NXPE3: variants seen among roughly 807,000 people sequenced by gnomAD.
NXPE3 encodes NXPE family member 3.
A neutral mutation model predicts 46.1 loss-of-function variants in NXPE3; 26 were observed. That is an observed-to-expected ratio of 0.56 (90% CI 0.41 to 0.78). The LOEUF (loss-of-function observed/expected upper bound fraction) is 0.78, where lower values mean the gene tolerates loss of function less well. Ranked by LOEUF, NXPE3 falls within the 30% of genes least tolerant of loss-of-function variation. The pLI is 0.00. For synonymous variants in NXPE3, 272 were observed against 257.9 expected (o/e 1.05, Z -0.52); for missense variants, 620 against 686.0 (o/e 0.90, Z 1.07).
At chr3:101,783,706 A>G (rs1434567588) in intron 3 of NXPE3, among the ~76,000 whole-genome samples, 3 of 152,234 alleles carry the variant, frequency 2.0e-5, no homozygotes, top group African/African-American at 4.8e-5. Context: ...CTATGGTGCA[A>G]CTAAATTCCT....
Position 101,822,481 on chromosome 3 carries a change from C to A in NXPE3, c.*527C>A, listed in dbSNP as rs536077232. 5.3e-4 allele frequency: 81 copies of A among 152,590 alleles called. No individual in the cohort carries two copies. Among genetic ancestry groups the A allele is most frequent in the Admixed American group, 1.0e-3 (16 of 15,326 alleles). The allele number at this position is 152,590 out of a possible 1,614,324, so 9.5% of individuals were successfully genotyped here. On this transcript the variant is annotated 3_prime_UTR_variant, in exon 8 of 8. Coordinates refer to ENST00000273347, the MANE Select transcript of NXPE3 (RefSeq NM_145037.4). ...TCAGGAGTTTCTCTTGATGATCTAC[C>A]TTTTCTGAATTACTTGAAAAGGCCA...
At chr3:101,817,428 A>G (rs1942021116) in intron 7 of NXPE3, among the ~76,000 whole-genome samples, 1 of 152,220 alleles carries the variant, frequency 6.6e-6, no homozygotes, top group Admixed American at 6.5e-5. Context: ...AGCTTTGAGT[A>G]GAAGGAAGCA....
chr3:101,801,826 C>T lies in NXPE3; in HGVS notation c.685C>T (p.Leu229Phe). 6.2e-7 allele frequency: 1 copy of T among 1,614,200 alleles called. No individual in the cohort carries two copies. The highest frequency in any genetic ancestry group is 8.5e-7 in the Non-Finnish European group (1 of 1,180,034). The part of the protein sequence containing the change: ...ISETTECNVC[L>F]PGNLPLCNFT... ...TGAAACTACTGAGTGCAACGTGTGT[C>T]TTCCTGGGAATCTGCCCCTGTGTAA... Residue 229 changes from leucine to phenylalanine, a missense_variant, in exon 5 of 8, where the codon CTT (leucine) becomes TTT (phenylalanine). Transcript: ENST00000273347.
intron 4 of NXPE3, among the ~76,000 whole-genome samples, chr3:101,793,625 GTCTTTTTT>G: frequency 3.0e-5 from 1 of 33,326 alleles, no homozygotes; most frequent in East Asian, 6.7e-4. Flanking sequence ...AATTGACAAG[GTCTTTTTT>G]TTTTTTTTTT....
chr3:101,821,834 C>T lies in NXPE3; in HGVS notation c.1560C>T (p.Leu520=), dbSNP rs763060482. The T allele has an allele frequency of 6.8e-6, 11 of 1,614,050 alleles. No individual in the cohort carries two copies. The highest frequency in any genetic ancestry group is 3.3e-5 in the Admixed American group (2 of 59,996). Residue 520 remains leucine, a synonymous_variant, in exon 8 of 8, where the codon CTC becomes CTT. Transcript: ENST00000273347. Reference sequence around the variant, plus strand: ...TGTTCTCAGGGGTTGGAGTATATCTCGTCGATGCCTGGGAGATGACCCTGG... The same window carrying T: ...TGTTCTCAGGGGTTGGAGTATATCTTGTCGATGCCTGGGAGATGACCCTGG... ...RRMFSGVGVY[L]VDAWEMTLAH...
intron 6 of NXPE3, 104 bp from the exon 7 acceptor site, chr3:101,816,691 G>T: frequency 1.2e-6 from 1 of 838,244 alleles, no homozygotes; most frequent in Non-Finnish European, 1.9e-6. Context: ...TTTCCCACAT[G>T]CTATCAGGCT....
In NXPE3 at chr3:101,823,657, AGG is replaced by A. The variant is rs1942358262; in HGVS notation, c.*1705_*1706del. 6.6e-6 allele frequency: 1 copy of A among 152,074 alleles called. No homozygotes were observed. The highest frequency in any genetic ancestry group is 1.5e-5 in the Non-Finnish European group (1 of 68,042). The allele number at this position is 152,074 out of a possible 1,614,324, so 9.4% of individuals were successfully genotyped here. A position where few individuals can be genotyped will look rare whatever the true frequency, so the allele number is the denominator to read the frequency against. ...GTGTGGGCCGACAGTCCCAGCTACT[AGG>A]GAGGCTAAGGCAGGGTGATTGATTG... On this transcript the variant is annotated 3_prime_UTR_variant, in exon 8 of 8. Coordinates refer to ENST00000273347, the MANE Select transcript of NXPE3 (RefSeq NM_145037.4).
rs748315899 is a variant in NXPE3 at position 101,826,252 on chromosome 3, C to G, written c.*4298C>G. The G allele has an allele frequency of 6.6e-6, 1 of 152,038 alleles. No homozygotes were observed. Among genetic ancestry groups the G allele is most frequent in the East Asian group, 1.9e-4 (1 of 5,198 alleles). 9.4% of individuals were successfully genotyped at this position (152,038 alleles called of 1,614,324 possible). A position where few individuals can be genotyped will look rare whatever the true frequency, so the allele number is the denominator to read the frequency against. Reference sequence around the variant, plus strand: ...AATGAGTCTGTTTCTGGACCCTGTTCAAGGAAATAGTGATGACTGAGAGAG... The same window carrying G: ...AATGAGTCTGTTTCTGGACCCTGTTGAAGGAAATAGTGATGACTGAGAGAG... On this transcript the variant is annotated 3_prime_UTR_variant, in exon 8 of 8. Coordinates refer to ENST00000273347, the MANE Select transcript of NXPE3 (RefSeq NM_145037.4).
At position 101,808,854 on chromosome 3, in the gene NXPE3, T is replaced by TATACACATATATATATAC. The variant is rs770360739; in HGVS notation, c.922+1730_922+1731insACACATATATATATACAT. ...ATATATATATATATATATATATATA[T>TATACACATATATATATAC]ATGAGACATTTATCTTTTATCTGTT... On this transcript the variant is annotated intron_variant, in intron 6 of 7. Transcript: ENST00000273347. Among the ~76,000 whole-genome samples, 972 of 100,340 alleles carry TATACACATATATATATAC rather than the reference T, an allele frequency of 9.7e-3. 70 individuals are homozygous for TATACACATATATATATAC. The highest frequency in any genetic ancestry group is 0.03 in the African/African-American group (852 of 27,982). 65.8% of individuals were successfully genotyped at this position (100,340 alleles called of 152,430 possible). A position where few individuals can be genotyped will look rare whatever the true frequency, so the allele number is the denominator to read the frequency against.
chr3:101,786,888 C>T (rs1424217544), intron 4 of NXPE3, among the ~76,000 whole-genome samples: 1 of 152,108 alleles, frequency 6.6e-6, no homozygotes, highest in Non-Finnish European at 1.5e-5. Flanking sequence ...ATGTCTAGAA[C>T]TTTTTCATCT....
chr3:101,798,404 G>T (rs1363807565), intron 4 of NXPE3, among the ~76,000 whole-genome samples: 1 of 151,686 alleles, frequency 6.6e-6, no homozygotes, highest in East Asian at 1.9e-4. Context: ...TTTCTTTTAA[G>T]CACAGGGTCT....
rs867690203 is a variant in NXPE3 at position 101,823,404 on chromosome 3, A to T, written c.*1450A>T. 34 of 152,308 alleles carry T rather than the reference A, an allele frequency of 2.2e-4. No homozygotes were observed. Among genetic ancestry groups the T allele is most frequent in the Admixed American group, 1.8e-3 (27 of 15,302 alleles). 9.4% of individuals were successfully genotyped at this position (152,308 alleles called of 1,614,324 possible). Reference sequence around the variant, plus strand: ...GCCTAATGAGGTAATAAAATATATTAAAATAGTTTAATTTTAATGGTCCTT... The same window carrying T: ...GCCTAATGAGGTAATAAAATATATTTAAATAGTTTAATTTTAATGGTCCTT... On this transcript the variant is annotated 3_prime_UTR_variant, in exon 8 of 8. Coordinates refer to ENST00000273347, the MANE Select transcript of NXPE3 (RefSeq NM_145037.4).
At chr3:101,787,329 C>T (rs1940248695) in intron 4 of NXPE3, among the ~76,000 whole-genome samples, 1 of 152,150 alleles carries the variant, frequency 6.6e-6, no homozygotes. Flanking sequence ...TTGTTTGAGA[C>T]AGAGTCTCGC....
chr3:101,810,380 G>A (rs148038843), intron 6 of NXPE3, among the ~76,000 whole-genome samples: 1 of 152,308 alleles, frequency 6.6e-6, no homozygotes, highest in East Asian at 1.9e-4. Context: ...TTACATTTGT[G>A]TGTATCTTTG....
chr3:101,808,454 G>A (rs1338224879), intron 6 of NXPE3, among the ~76,000 whole-genome samples: 2 of 152,098 alleles, frequency 1.3e-5, no homozygotes, highest in African/African-American at 4.8e-5. Context: ...TGTATGAGTG[G>A]TGGGGAAGGA....
chr3:101,802,139 C>T (rs185896213), intron 5 of NXPE3, 150 bp downstream of exon 5: 38 of 651,450 alleles, frequency 5.8e-5, no homozygotes, highest in Middle Eastern at 5.5e-4. Context: ...AAAAAAAAAA[C>T]ATAGATTTGT....
At chr3:101,791,671 C>T (rs1043180299) in intron 4 of NXPE3, among the ~76,000 whole-genome samples, 11 of 152,100 alleles carry the variant, frequency 7.2e-5, no homozygotes, top group Admixed American at 2.0e-4. Context: ...CCACCACGCC[C>T]GGCCTTATCC....
chr3:101,792,477 A>T (rs920504310), intron 4 of NXPE3, among the ~76,000 whole-genome samples: 2 of 152,162 alleles, frequency 1.3e-5, no homozygotes, highest in African/African-American at 4.8e-5. Flanking sequence ...AATTTTTTGC[A>T]TATGGCTAGC....
Position 101,787,409 on chromosome 3 carries a change from C to T in NXPE3, c.93+1720C>T, listed in dbSNP as rs184866889. 4.2e-3 allele frequency among the ~76,000 whole-genome samples: 644 copies of T among 152,246 alleles called. 2 individuals are homozygous for T. Among genetic ancestry groups the T allele is most frequent in the Middle Eastern group, 0.02 (6 of 294 alleles). ...GCAACCTCTGCCTCCTGGGTTCAAG[C>T]GATTCTCATGCCTCAGCCTTCTGAG... On this transcript the variant is annotated intron_variant, in intron 4 of 7. Transcript: ENST00000273347.
Sources: gnomAD v4.1 joint callset for allele counts (sites outside exome capture counted in the v4.1 genomes callset) on GRCh38, gnomAD v4.1.1 for gene constraint, MANE v1.5 for transcripts, NCBI Gene and HGNC (gene_info 2026-07-23, HGNC 2026-07-21) for gene names.